IQGAP1: variants seen among roughly 807,000 people sequenced by gnomAD.
IQGAP1 encodes IQ motif containing GTPase activating protein 1, also known as ras GTPase-activating-like protein IQGAP1.
IQGAP1 carries 66 observed loss-of-function variants against 215.6 expected under a neutral mutation model. The ratio of observed to expected loss-of-function variants is 0.31; its 90% CI spans 0.25 to 0.38. The LOEUF (loss-of-function observed/expected upper bound fraction) is 0.38, where lower values mean the gene tolerates loss of function less well. IQGAP1 is among the 10% of genes least tolerant of loss of function. The pLI is 1.00. For synonymous variants in IQGAP1, 772 were observed against 728.7 expected (o/e 1.06, Z -0.96); for missense variants, 1,712 against 1,997.1 (o/e 0.86, Z 2.72).
chr15:90,460,409 CTT>C (rs1965745251), intron 15 of IQGAP1, among the ~76,000 whole-genome samples: 1 of 151,916 alleles, frequency 6.6e-6, no homozygotes, highest in African/African-American at 2.4e-5. Flanking sequence ...TAGTTAGTCT[CTT>C]GTTTGCCTAA....
intron 1 of IQGAP1, among the ~76,000 whole-genome samples, chr15:90,389,368 G>A (rs1004142476): frequency 1.4e-5 from 2 of 145,572 alleles, no homozygotes; most frequent in African/African-American, 5.0e-5. Context: ...TTGGAGACAG[G>A]GGGTCTTGCT....
rs968147549 is a variant in IQGAP1, at chr15:90,462,043, C to T, written c.1777-3958C>T. 2.6e-5 allele frequency among the ~76,000 whole-genome samples: 4 copies of T among 151,424 alleles called. No individual in the cohort carries two copies. The South Asian group carries it at 8.4e-4, about 32-fold the overall frequency. The stretch of plus-strand genomic sequence containing the variant: ...CCGGCATGGTGGTAGGCGCCTGCGC[C>T]TTTAGTCCCAGCTACTCGGGAGGCT... On this transcript the variant is annotated intron_variant, in intron 15 of 37. Coordinates refer to ENST00000268182, the MANE Select transcript of IQGAP1 (RefSeq NM_003870.4).
rs139930305 is a variant in IQGAP1 at position 90,498,738 on chromosome 15, C to T, written c.4861-1257C>T. Among the ~76,000 whole-genome samples the T allele has an allele frequency of 7.4e-4, 113 of 152,132 alleles. 1 individual carries two copies. Among genetic ancestry groups the T allele is most frequent in the African/African-American group, 2.3e-3 (96 of 41,482 alleles). On this transcript the variant is annotated intron_variant, in intron 37 of 37. Coordinates refer to ENST00000268182, the MANE Select transcript of IQGAP1 (RefSeq NM_003870.4). ...TCTCCATTCACTGCAACCTCCACCT[C>T]GTGGGTTCAAGTGATTCTCCTGCCT... is the stretch of plus-strand genomic sequence containing the variant.
At chr15:90,423,973 T>C (rs1441253118) in intron 2 of IQGAP1, among the ~76,000 whole-genome samples, 1 of 152,210 alleles carries the variant, frequency 6.6e-6, no homozygotes, top group Non-Finnish European at 1.5e-5. Flanking sequence ...CTGTGCTCTT[T>C]ATCCGTAGTT....
chr15:90,441,317 G>C (rs767452665), intron 7 of IQGAP1, among the ~76,000 whole-genome samples, 189 bp from the exon 8 acceptor site: 3 of 152,122 alleles, frequency 2.0e-5, no homozygotes, highest in Non-Finnish European at 2.9e-5. Flanking sequence ...TTTGCATACT[G>C]TAAGGAAGAG....
In IQGAP1 at chr15:90,500,379, A is replaced by C; in HGVS notation, c.*271A>C. 2.8e-6 allele frequency: 1 copy of C among 353,124 alleles called. No individual in the cohort carries two copies. The highest frequency in any genetic ancestry group is 8.8e-4 in the Middle Eastern group (1 of 1,140). The allele number at this position is 353,124 out of a possible 1,614,324, so 21.9% of individuals were successfully genotyped here. A position where few individuals can be genotyped will look rare whatever the true frequency, so the allele number is the denominator to read the frequency against. ...TAGGAAAGAGTGGAAACTCCACTAA[A>C]ATTTCTCTGTGTTGTTACAGTCTTA... On this transcript the variant is annotated 3_prime_UTR_variant, in exon 38 of 38. Coordinates refer to ENST00000268182, the MANE Select transcript of IQGAP1 (RefSeq NM_003870.4).
chr15:90,491,219 G>C, intron 33 of IQGAP1, 114 bp from the exon 34 acceptor site: 1 of 835,392 alleles, frequency 1.2e-6, no homozygotes, highest in Admixed American at 2.7e-5. Flanking sequence ...GTTTCCTTCT[G>C]TTTCAAGGTT....
At chr15:90,428,878 G>A (rs1965263768) in intron 3 of IQGAP1, among the ~76,000 whole-genome samples, 1 of 152,164 alleles carries the variant, frequency 6.6e-6, no homozygotes, top group African/African-American at 2.4e-5. Context: ...TTAAGACAGA[G>A]TCTCATTCTG....
intron 22 of IQGAP1, 104 bp downstream of exon 22, chr15:90,474,237 G>A: frequency 2.8e-6 from 3 of 1,072,432 alleles, no homozygotes; most frequent in Non-Finnish European, 4.0e-6. Context: ...GCAAGGCTTG[G>A]GGGAGAGGGT....
chr15:90,500,334 C>T lies in IQGAP1; in HGVS notation c.*226C>T. ...AGGCTTAGTCTGACCTTTCTGGTTT[C>T]TTCATTTTCTTCCATTACTTAGGAA... is the stretch of plus-strand genomic sequence containing the variant. On this transcript the variant is annotated 3_prime_UTR_variant, in exon 38 of 38. Coordinates refer to ENST00000268182, the MANE Select transcript of IQGAP1 (RefSeq NM_003870.4). 2 of 436,604 alleles carry T rather than the reference C, an allele frequency of 4.6e-6. No individual in the cohort carries two copies. Among genetic ancestry groups the T allele is most frequent in the South Asian group, 6.6e-5 (2 of 30,444 alleles). 27.0% of individuals were successfully genotyped at this position (436,604 alleles called of 1,614,324 possible).
intron 18 of IQGAP1, 29 bp downstream of exon 18, chr15:90,467,621 A>G (rs753341284): frequency 6.3e-7 from 1 of 1,587,044 alleles, no homozygotes; most frequent in Admixed American, 1.9e-5. Context: ...CGTAAGAAGA[A>G]GCTGAGAGAA....
chr15:90,450,953 A>G (rs545627250), intron 11 of IQGAP1, among the ~76,000 whole-genome samples: 5 of 152,074 alleles, frequency 3.3e-5, no homozygotes, highest in African/African-American at 9.6e-5. Flanking sequence ...TTTGCTGTGC[A>G]GAAGCTTTTT....
At chr15:90,408,069 C>T (rs917693842) in intron 2 of IQGAP1, among the ~76,000 whole-genome samples, 2 of 152,174 alleles carry the variant, frequency 1.3e-5, no homozygotes, top group African/African-American at 4.8e-5. Context: ...TATGGTCAGG[C>T]GTTTCCCTTT....
chr15:90,409,520 G>T (rs942147040), intron 2 of IQGAP1, among the ~76,000 whole-genome samples: 1 of 152,118 alleles, frequency 6.6e-6, no homozygotes, highest in Non-Finnish European at 1.5e-5. Flanking sequence ...TTACAGACGT[G>T]AGCCACTGCG....
intron 19 of IQGAP1, among the ~76,000 whole-genome samples, chr15:90,473,392 C>T (rs1216385585): frequency 6.6e-6 from 1 of 152,076 alleles, no homozygotes; most frequent in Non-Finnish European, 1.5e-5. Flanking sequence ...AGTCTTTGTC[C>T]CCATCTGTAA....
chr15:90,409,458 G>A (rs959895746), intron 2 of IQGAP1, among the ~76,000 whole-genome samples: 5 of 151,952 alleles, frequency 3.3e-5, no homozygotes, highest in African/African-American at 4.8e-5. Flanking sequence ...GGCTGGTCTC[G>A]AACTCCTGAC....
At chr15:90,456,803 A>G (rs1029449482) in intron 15 of IQGAP1, among the ~76,000 whole-genome samples, 7 of 151,006 alleles carry the variant, frequency 4.6e-5, no homozygotes, top group Middle Eastern at 6.9e-3. Context: ...CACAGGAATT[A>G]CTTGAGCCTG....
In IQGAP1 at chr15:90,425,949, T is replaced by A. The variant is rs28629913; in HGVS notation, c.156-161T>A. ...AAGTTCCCCGCCTCTGAGATCTGAC[T>A]GGGCCAGGCAGGGAAAGGATGTGTG... On this transcript the variant is annotated intron_variant, in intron 2 of 37. Transcript: ENST00000268182. Among the ~76,000 whole-genome samples the A allele has an allele frequency of 1.6e-3, 241 of 152,286 alleles. 1 individual carries two copies. The highest frequency in any genetic ancestry group is 5.6e-3 in the African/African-American group (232 of 41,558).
At chr15:90,486,856 T>C (rs974311601) in intron 31 of IQGAP1, 98 bp from the exon 32 acceptor site, 2 of 1,226,652 alleles carry the variant, frequency 1.6e-6, no homozygotes, top group Non-Finnish European at 2.3e-6. Flanking sequence ...GTGATTCAAG[T>C]ATTATCTTAG....
Sources: allele counts gnomAD v4.1 joint callset (sites outside exome capture counted in the v4.1 genomes callset), GRCh38; gene constraint gnomAD v4.1.1; transcripts MANE v1.5; gene names NCBI Gene and HGNC (gene_info 2026-07-23, HGNC 2026-07-21).